Variants in RBFOX1 observed in about 807,000 individuals in gnomAD.
RBFOX1 encodes RNA binding protein fox-1 homolog 1.
A neutral mutation model predicts 57.7 loss-of-function variants in RBFOX1; 8 were observed. That is an observed-to-expected ratio of 0.14 (90% CI 0.08 to 0.25). The LOEUF is 0.25. RBFOX1 is among the 10% of genes least tolerant of loss of function. RBFOX1 has a pLI of 1.00. For missense variants in RBFOX1, 611 were observed against 548.5 expected (o/e 1.11, Z -1.14); for synonymous variants, 326 against 222.4 (o/e 1.47, Z -4.15).
chr16:6,433,058 C>G (rs1186780757), intron 2 of RBFOX1, among the ~76,000 whole-genome samples: 1 of 152,136 alleles, frequency 6.6e-6, no homozygotes, highest in Non-Finnish European at 1.5e-5. Flanking sequence ...ATCCTTCGGG[C>G]TGTTGATTTG....
chr16:7,029,042 A>G lies in RBFOX1; in HGVS notation c.-15-23015A>G, dbSNP rs1159665011. On this transcript the variant is annotated intron_variant, in intron 3 of 15. Coordinates refer to ENST00000550418, the MANE Select transcript of RBFOX1 (RefSeq NM_018723.4). ...ATGCTAAGCATAAAACAGAAAAAAA[A>G]AAGCTATATATATATATATATATAT... is the stretch of plus-strand genomic sequence containing the variant. 1.1e-3 allele frequency among the ~76,000 whole-genome samples: 135 copies of G among 121,650 alleles called. 6 individuals carry two copies. The highest frequency in any genetic ancestry group is 1.9e-3 in the Non-Finnish European group (113 of 60,988). 79.8% of individuals were successfully genotyped at this position (121,650 alleles called of 152,430 possible).
chr16:7,575,528 A>C (rs1303896602), intron 5 of RBFOX1, among the ~76,000 whole-genome samples: 1 of 152,150 alleles, frequency 6.6e-6, no homozygotes, highest in East Asian at 1.9e-4. Context: ...AGAGGATGGA[A>C]GGATGCAGAC....
intron 4 of RBFOX1, among the ~76,000 whole-genome samples, chr16:7,324,088 T>C (rs1454634860): frequency 1.3e-5 from 2 of 152,138 alleles, no homozygotes; most frequent in African/African-American, 2.4e-5. Flanking sequence ...CTAATAGTCA[T>C]CATGAATTCC....
intron 3 of RBFOX1, among the ~76,000 whole-genome samples, chr16:7,045,661 TTTC>T (rs1216785438): frequency 2.7e-5 from 4 of 147,536 alleles, no homozygotes; most frequent in Non-Finnish European, 4.4e-5. Flanking sequence ...ACTTTTTTTT[TTTC>T]AATAGAGCGA....
intron 5 of RBFOX1, among the ~76,000 whole-genome samples, chr16:7,577,751 T>C (rs1001764881): frequency 6.6e-6 from 1 of 152,078 alleles, no homozygotes; most frequent in African/African-American, 2.4e-5. Context: ...AAATAAAAAT[T>C]AGCTGGGTAT....
At chr16:6,017,037 A>G (rs972125756), upstream of RBFOX1, among the ~76,000 whole-genome samples, 3 of 152,212 alleles carry the variant, frequency 2.0e-5, no homozygotes, top group East Asian at 1.9e-4. Context: ...CTACTCTACA[A>G]TAAATAAATC....
intron 4 of RBFOX1, among the ~76,000 whole-genome samples, chr16:7,264,927 C>G (rs566093530): frequency 6.6e-6 from 1 of 152,292 alleles, no homozygotes; most frequent in African/African-American, 2.4e-5. Flanking sequence ...TCCATCAGGC[C>G]AAGAGTCCAA....
At chr16:7,588,999 C>G (rs569009412) in intron 7 of RBFOX1, among the ~76,000 whole-genome samples, 3 of 152,162 alleles carry the variant, frequency 2.0e-5, no homozygotes, top group African/African-American at 7.2e-5. Context: ...TTCCATAGCT[C>G]CAGATATTTT....
chr16:6,501,415 T>A (rs809093), intron 2 of RBFOX1, among the ~76,000 whole-genome samples: 6 of 151,154 alleles, frequency 4.0e-5, no homozygotes, highest in Non-Finnish European at 8.8e-5. Context: ...CTTGCGATAG[T>A]TTGCTAAGAA....
At chr16:7,230,266 C>G (rs1397442588) in intron 4 of RBFOX1, among the ~76,000 whole-genome samples, 3 of 151,776 alleles carry the variant, frequency 2.0e-5, no homozygotes, top group Admixed American at 6.6e-5. Context: ...ACAAAATAAA[C>G]AAACAGAAAG....
At chr16:5,416,692 T>C (rs544093369) in intron 1 of RBFOX1, among the ~76,000 whole-genome samples, 12 of 152,046 alleles carry the variant, frequency 7.9e-5, no homozygotes, top group East Asian at 1.9e-4. Flanking sequence ...TTTTTTTTTT[T>C]CCTCTGGTCG....
intron 2 of RBFOX1, among the ~76,000 whole-genome samples, chr16:5,533,883 G>A (rs1049638465): frequency 2.0e-5 from 3 of 152,140 alleles, no homozygotes; most frequent in African/African-American, 7.2e-5. Flanking sequence ...CAGGGGTGTT[G>A]GTCAGAATTC....
chr16:7,105,283 G>C (rs367604385), intron 4 of RBFOX1, among the ~76,000 whole-genome samples: 1,145 of 83,258 alleles, frequency 0.014, 15 homozygotes, highest in Middle Eastern at 0.041. Flanking sequence ...GAACCATATG[G>C]TCTGATTTTT....
intron 10 of RBFOX1, 47 bp from the exon 11 acceptor site, chr16:7,630,556 G>C: frequency 6.2e-7 from 1 of 1,610,824 alleles, no homozygotes; most frequent in Non-Finnish European, 8.5e-7. Context: ...CTCAGGTGTA[G>C]TGTACCGATT....
At chr16:5,625,854 A>G (rs2048334465) in intron 3 of RBFOX1, among the ~76,000 whole-genome samples, 1 of 150,548 alleles carries the variant, frequency 6.6e-6, no homozygotes, top group Middle Eastern at 3.7e-3. Context: ...CACCGTGTCC[A>G]GCCCTGGATT....
chr16:7,575,134 A>C (rs1046968588), intron 5 of RBFOX1, among the ~76,000 whole-genome samples: 2 of 151,894 alleles, frequency 1.3e-5, no homozygotes, highest in African/African-American at 2.4e-5. Flanking sequence ...TGGGCTCAAC[A>C]ATTAATTATC....
intron 3 of RBFOX1, among the ~76,000 whole-genome samples, chr16:7,006,079 A>G (rs928908516): frequency 2.0e-5 from 3 of 152,174 alleles, no homozygotes; most frequent in Non-Finnish European, 4.4e-5. Context: ...AGTAAACCCT[A>G]CTTTGTTCAA....
In RBFOX1 at chr16:7,034,512, C is replaced by T. The variant is rs769009250; in HGVS notation, c.-15-17545C>T. Among the ~76,000 whole-genome samples the T allele has an allele frequency of 8.5e-5, 13 of 152,116 alleles. 1 individual carries two copies. The South Asian group carries it at 2.3e-3, about 27-fold the overall frequency. On this transcript the variant is annotated intron_variant, in intron 3 of 15. Transcript: ENST00000550418. ...ATGACCATCTATCTCTAGGGCACTT[C>T]AGAAAGATGGATGGGAAGTGGGAAG...
chr16:7,000,699 G>A lies in RBFOX1; in HGVS notation c.-15-51358G>A, dbSNP rs1023777587. ...GGCTCACTGCAACCTCTGCCTACCG[G>A]GTTCATGCCATTCTCCTGCCTCAGC... is the stretch of plus-strand genomic sequence containing the variant. On this transcript the variant is annotated intron_variant, in intron 3 of 15. Transcript: ENST00000550418. Among the ~76,000 whole-genome samples, 19 of 142,086 alleles carry A rather than the reference G, an allele frequency of 1.3e-4. 1 individual carries two copies. Among genetic ancestry groups the A allele is most frequent in the Admixed American group, 1.2e-3 (16 of 13,092 alleles). 93.2% of individuals were successfully genotyped at this position (142,086 alleles called of 152,430 possible). A position where few individuals can be genotyped will look rare whatever the true frequency, so the allele number is the denominator to read the frequency against.
Sources: gnomAD v4.1 joint callset for allele counts (sites outside exome capture counted in the v4.1 genomes callset) on GRCh38, gnomAD v4.1.1 for gene constraint, MANE v1.5 for transcripts, NCBI Gene and HGNC (gene_info 2026-07-23, HGNC 2026-07-21) for gene names.